FPGT: variants seen among roughly 807,000 people sequenced by gnomAD.
FPGT encodes the protein GDP-L-fucose diphosphorylase.
Under a neutral mutation model 45.8 loss-of-function variants are expected in FPGT, and 41 were observed. The observed-to-expected ratio is 0.90, with a 90% CI of 0.70 to 1.16. The LOEUF is 1.16. Among genes scored for constraint, FPGT ranks in the 50% most tolerant of loss-of-function variants. The pLI, the probability that FPGT is intolerant of heterozygous loss-of-function variation, is 0.00. For synonymous variants in FPGT, 292 were observed against 247.2 expected (o/e 1.18, Z -1.70); for missense variants, 755 against 689.1 (o/e 1.10, Z -1.07).
At position 74,205,520 on chromosome 1, in the gene FPGT, A is replaced by G. The variant is rs770170376; in HGVS notation, c.1473A>G (p.Gln491=). 2 of 1,613,136 alleles carry G rather than the reference A, an allele frequency of 1.2e-6. No individual in the cohort carries two copies. Among genetic ancestry groups the G allele is most frequent in the Non-Finnish European group, 1.7e-6 (2 of 1,179,126 alleles). ...VKTLSDIKLL[Q]FFGVCFLSCL... is the part of the protein sequence containing the mutation. Reference sequence around the variant, plus strand: ...CATTGTCAGATATAAAGTTACTTCAATTCTTTGGAGTCTGTTTCCTGTCAT... The same window carrying G: ...CATTGTCAGATATAAAGTTACTTCAGTTCTTTGGAGTCTGTTTCCTGTCAT... Residue 491 remains glutamine (Q), a synonymous_variant, in exon 4 of 4, where the codon CAA becomes CAG. Coordinates refer to ENST00000370898, the MANE Select transcript of FPGT (RefSeq NM_003838.5).
chr1:74,199,913 T>C (rs1651628155), intron 2 of FPGT, 82 bp downstream of exon 2: 20 of 1,462,742 alleles, frequency 1.4e-5, no homozygotes, highest in Non-Finnish European at 1.8e-5. Context: ...ACTTACAGTG[T>C]ATAAGCTGCA....
chr1:74,199,191 A>C (rs1651526302), intron 1 of FPGT, among the ~76,000 whole-genome samples: 1 of 152,196 alleles, frequency 6.6e-6, no homozygotes, highest in Non-Finnish European at 1.5e-5. Context: ...AAGTACCCAC[A>C]TTTATAAACA....
rs200882722 is a variant in FPGT at position 74,199,712 on chromosome 1, C to T, written c.131C>T (p.Ala44Val). ...GEFWDIVAIT[A>V]ADEKQELAYN... is the part of the protein sequence containing the mutation. ...TTCTGGGACATAGTTGCAATAACAG[C>T]GGCTGATGAAAAACAGGAACTTGCT... The change falls in exon 2 of 4, where the codon GCG (alanine) becomes GTG (valine). Residue 44 changes from alanine to valine, a missense_variant. Physicochemically the swap from Ala to Val is moderately conservative, Grantham distance 64 (BLOSUM62 0). Coordinates refer to ENST00000370898, the MANE Select transcript of FPGT (RefSeq NM_003838.5). 177 of 1,613,914 alleles carry T rather than the reference C, an allele frequency of 1.1e-4. 1 individual carries two copies. The highest frequency in any genetic ancestry group is 1.7e-5 in the Admixed American group (1 of 60,006).
chr1:74,202,261 C>A (rs755819543), intron 3 of FPGT, among the ~76,000 whole-genome samples: 13 of 152,186 alleles, frequency 8.5e-5, no homozygotes, highest in Admixed American at 7.2e-4. Flanking sequence ...TGAACTGACA[C>A]CAGTCCAGGG....
chr1:74,202,482 A>C (rs1651886166), intron 3 of FPGT, among the ~76,000 whole-genome samples: 1 of 152,206 alleles, frequency 6.6e-6, no homozygotes, highest in Admixed American at 6.5e-5. Context: ...TAAATTAGAT[A>C]CCAGGAAATG....
rs769419272 is a variant in FPGT, at chr1:74,199,813, C to G, written c.232C>G (p.Pro78Ala). 1 of 1,613,568 alleles carries G rather than the reference C, an allele frequency of 6.2e-7. No homozygotes were observed. Among genetic ancestry groups the G allele is most frequent in the Admixed American group, 1.7e-5 (1 of 59,880 alleles). Residue 78 changes from proline to alanine, a missense_variant, in exon 2 of 4, where the codon CCT becomes GCT. Transcript: ENST00000370898. ...AGTTCAATATCACGTTTTTGTGGATCCTGCTGGAGCCAAAATTGGTACGCG... is the reference window on the plus strand; with the variant it reads ...AGTTCAATATCACGTTTTTGTGGATGCTGCTGGAGCCAAAATTGGTACGCG... ...LGVQYHVFVD[P>A]AGAKIGNGGS...
At chr1:74,202,911 C>T (rs1651927011) in intron 3 of FPGT, among the ~76,000 whole-genome samples, 1 of 152,120 alleles carries the variant, frequency 6.6e-6, no homozygotes, top group Admixed American at 6.5e-5. Context: ...GTATCACTAC[C>T]TCTATAGTCC....
chr1:74,204,926 A>G lies in FPGT; in HGVS notation c.879A>G (p.Thr293=), dbSNP rs1479653278. 2.5e-6 allele frequency: 4 copies of G among 1,614,050 alleles called. No individual in the cohort carries two copies. The South Asian group carries it at 4.4e-5, about 18-fold the overall frequency. ...TTGCTTTTTATGAAAAAATAGGCAC[A>G]CTGAGCTGTGAAATAGATGCCTATG... ...MLLAFYEKIG[T]LSCEIDAYGD... Residue 293 remains threonine (T), a synonymous_variant, in exon 4 of 4, where the codon ACA becomes ACG. Transcript: ENST00000370898.
chr1:74,203,779 C>A (rs1010234012), intron 3 of FPGT, among the ~76,000 whole-genome samples: 2 of 151,810 alleles, frequency 1.3e-5, no homozygotes, highest in Non-Finnish European at 2.9e-5. Context: ...TGGTGGCTCA[C>A]GCCTGTAATC....
chr1:74,205,528 G>T lies in FPGT; in HGVS notation c.1481G>T (p.Gly494Val), dbSNP rs774351798. The change falls in exon 4 of 4, where the codon GGA (glycine) becomes GTA (valine). Residue 494 changes from glycine (G) to valine (V), a missense_variant. Transcript: ENST00000370898. ...GATATAAAGTTACTTCAATTCTTTGGAGTCTGTTTCCTGTCATGCTTAGAT... is the reference window on the plus strand; with the variant it reads ...GATATAAAGTTACTTCAATTCTTTGTAGTCTGTTTCCTGTCATGCTTAGAT... The part of the protein sequence containing the change: ...LSDIKLLQFF[G>V]VCFLSCLDVW... 6.2e-6 allele frequency: 10 copies of T among 1,611,068 alleles called. No individual in the cohort carries two copies. Among genetic ancestry groups the T allele is most frequent in the Non-Finnish European group, 6.8e-6 (8 of 1,177,268 alleles).
chr1:74,207,603 A>G lies in FPGT; in HGVS notation c.*1771A>G, dbSNP rs1055591662. On this transcript the variant is annotated 3_prime_UTR_variant, in exon 4 of 4. Transcript: ENST00000370898. The stretch of plus-strand genomic sequence containing the variant: ...TTTCAGTTTAATCACAGGTCCTTAG[A>G]AGATCGGACCTGTGATTCTATTCAA... 3.3e-5 allele frequency among the ~76,000 whole-genome samples: 5 copies of G among 152,028 alleles called. No individual in the cohort carries two copies. Among genetic ancestry groups the G allele is most frequent in the African/African-American group, 4.8e-5 (2 of 41,414 alleles).
Position 74,199,774 on chromosome 1 carries a change from G to C in FPGT, c.193G>C (p.Glu65Gln). The C allele has an allele frequency of 6.2e-7, 1 of 1,614,152 alleles. No homozygotes were observed. The highest frequency in any genetic ancestry group is 1.1e-5 in the South Asian group (1 of 91,082). ...GCTGTCAGAAAAGCTGAAAAGAAAGGAGTTACCCCTTGGAGTTCAATATCA... is the reference window on the plus strand; with the variant it reads ...GCTGTCAGAAAAGCTGAAAAGAAAGCAGTTACCCCTTGGAGTTCAATATCA... ...QQLSEKLKRK[E>Q]LPLGVQYHVF... The change falls in exon 2 of 4, where the codon GAG becomes CAG. Residue 65 changes from glutamate (E) to glutamine (Q), a missense_variant. Coordinates refer to ENST00000370898, the MANE Select transcript of FPGT (RefSeq NM_003838.5).
Position 74,208,002 on chromosome 1 carries a change from C to A in FPGT, c.*2170C>A, listed in dbSNP as rs1652419204. On this transcript the variant is annotated 3_prime_UTR_variant, in exon 4 of 4. Coordinates refer to ENST00000370898, the MANE Select transcript of FPGT (RefSeq NM_003838.5). Reference sequence around the variant, plus strand: ...CTTGGTGTGTAGTAGCACAAACGTACCACCAATAATGTACCTAATTCAACT... The same window carrying A: ...CTTGGTGTGTAGTAGCACAAACGTAACACCAATAATGTACCTAATTCAACT... Among the ~76,000 whole-genome samples, 1 of 151,888 alleles carries A rather than the reference C, an allele frequency of 6.6e-6. No individual in the cohort carries two copies. Among genetic ancestry groups the A allele is most frequent in the Admixed American group, 6.6e-5 (1 of 15,230 alleles).
chr1:74,198,712 A>G (rs570016538), intron 1 of FPGT, among the ~76,000 whole-genome samples: 51 of 152,330 alleles, frequency 3.3e-4, no homozygotes, highest in African/African-American at 1.2e-3. Context: ...TTATGAGTAG[A>G]TGCCAGCCCC....
Position 74,208,650 on chromosome 1 carries a change from A to G in FPGT, c.*2818A>G, listed in dbSNP as rs1310167802. Among the ~76,000 whole-genome samples, 2 of 152,100 alleles carry G rather than the reference A, an allele frequency of 1.3e-5. No individual in the cohort carries two copies. Among genetic ancestry groups the G allele is most frequent in the Non-Finnish European group, 2.9e-5 (2 of 67,988 alleles). ...CATTTATTCTCTAAGCAAAGCAGAA[A>G]TAAAGGATATGTATCAGTGTATACT... On this transcript the variant is annotated 3_prime_UTR_variant, in exon 4 of 4. Coordinates refer to ENST00000370898, the MANE Select transcript of FPGT (RefSeq NM_003838.5).
Position 74,204,727 on chromosome 1 carries a change from TC to T in FPGT, c.682del (p.Leu228PhefsTer6). ...CTTGAATACAGGTCTTGCCATCGTT[TC>T]CTTCATAAGCCCAGCATAGAAAAGA... ...RDLEYRSCHR[F>X]LHKPSIEKMY... On this transcript the variant is annotated frameshift_variant, in exon 4 of 4. Transcript: ENST00000370898. LOFTEE classifies it high-confidence loss of function. The T allele has an allele frequency of 6.2e-7, 1 of 1,614,140 alleles. No individual in the cohort carries two copies.
At position 74,205,014 on chromosome 1, in the gene FPGT, G is replaced by A. The variant is rs1652145154; in HGVS notation, c.967G>A (p.Val323Ile). ...GGAGTACACCAGAAACACATCAAAT[G>A]TCATTAAAGAAGAGTCAGAGTTGGT... ...TVEYTRNTSNVIKEESELVEM... is the reference protein window; with the variant it reads ...TVEYTRNTSNIIKEESELVEM... The change falls in exon 4 of 4, where the codon GTC becomes ATC. Residue 323 changes from valine (V) to isoleucine (I), a missense_variant. By Grantham distance (29) the Val-to-Ile change is conservative. Coordinates refer to ENST00000370898, the MANE Select transcript of FPGT (RefSeq NM_003838.5). The A allele has an allele frequency of 1.9e-6, 3 of 1,613,832 alleles. No individual in the cohort carries two copies. The highest frequency in any genetic ancestry group is 1.3e-5 in the African/African-American group (1 of 74,922).
rs1260374301 is a variant in FPGT, at chr1:74,204,728, C to T, written c.681C>T (p.Phe227=). The change falls in exon 4 of 4, where the codon TTC becomes TTT. Residue 227 remains phenylalanine (F), a synonymous_variant. Transcript: ENST00000370898. ...TTGAATACAGGTCTTGCCATCGTTT[C>T]CTTCATAAGCCCAGCATAGAAAAGA... ...RDLEYRSCHR[F]LHKPSIEKMY... 1 of 1,613,946 alleles carries T rather than the reference C, an allele frequency of 6.2e-7. No individual in the cohort carries two copies. Among genetic ancestry groups the T allele is most frequent in the Non-Finnish European group, 8.5e-7 (1 of 1,180,002 alleles).
chr1:74,199,476 T>G (rs1651562341), intron 1 of FPGT, among the ~76,000 whole-genome samples, 188 bp from the exon 2 acceptor site: 1 of 152,206 alleles, frequency 6.6e-6, no homozygotes, highest in Non-Finnish European at 1.5e-5. Context: ...GTGAACAGTC[T>G]TCATTATAAC....
Sources: gnomAD v4.1 joint callset for allele counts (sites outside exome capture counted in the v4.1 genomes callset) on GRCh38, gnomAD v4.1.1 for gene constraint, MANE v1.5 for transcripts, NCBI Gene and HGNC (gene_info 2026-07-23, HGNC 2026-07-21) for gene names.